Variants in GRM7 observed in about 807,000 individuals in gnomAD.
GRM7 encodes glutamate metabotropic receptor 7.
A neutral mutation model predicts 84.5 loss-of-function variants in GRM7; 35 were observed. The ratio of observed to expected loss-of-function variants is 0.41; its 90% CI spans 0.32 to 0.55. The LOEUF (loss-of-function observed/expected upper bound fraction) is 0.55, where lower values mean the gene tolerates loss of function less well. Among genes scored for constraint, GRM7 ranks in the 20% least tolerant of loss-of-function variants. The pLI is 0.19. For missense variants in GRM7, 1,003 were observed against 1,194.6 expected (o/e 0.84, Z 2.36); for synonymous variants, 487 against 455.1 (o/e 1.07, Z -0.89).
intron 3 of GRM7, among the ~76,000 whole-genome samples, chr3:7,303,677 T>G (rs893487846): frequency 3.3e-5 from 5 of 152,100 alleles, no homozygotes; most frequent in African/African-American, 9.7e-5. Context: ...ATCTTTAATA[T>G]TTTTTCTGTT....
intron 1 of GRM7, among the ~76,000 whole-genome samples, chr3:6,887,104 A>T (rs1284874327): frequency 6.6e-6 from 1 of 152,012 alleles, no homozygotes; most frequent in Non-Finnish European, 1.5e-5. Context: ...AGTCTTGTTG[A>T]GGGACAGTGC....
intron 9 of GRM7, among the ~76,000 whole-genome samples, chr3:7,718,183 G>C (rs967814771): frequency 2.6e-5 from 4 of 152,200 alleles, no homozygotes; most frequent in African/African-American, 9.6e-5. Context: ...GAGGCAGTCT[G>C]TGCATAGCAC....
chr3:7,006,865 A>T (rs1467271122), intron 1 of GRM7, among the ~76,000 whole-genome samples: 2 of 152,238 alleles, frequency 1.3e-5, no homozygotes, highest in Admixed American at 1.3e-4. Flanking sequence ...AAGGAAATAT[A>T]GGGATAAAAA....
chr3:7,009,633 C>A lies in GRM7; in HGVS notation c.520-136819C>A, dbSNP rs138396654. Among the ~76,000 whole-genome samples the A allele has an allele frequency of 1.1e-3, 163 of 152,176 alleles. 2 individuals are homozygous for A. The highest frequency in any genetic ancestry group is 3.6e-3 in the African/African-American group (151 of 41,514). ...CAAACATAATGGATTTGGAGGGGAG[C>A]CAGGAGGGAGGAAGGTTGTTAAGGG... On this transcript the variant is annotated intron_variant, in intron 1 of 9. Transcript: ENST00000357716.
intron 4 of GRM7, among the ~76,000 whole-genome samples, chr3:7,393,581 A>G (rs528756670): frequency 2.0e-5 from 3 of 152,160 alleles, no homozygotes; most frequent in African/African-American, 7.2e-5. Context: ...CTCCTATACA[A>G]TGTGTTCGAA....
intron 5 of GRM7, among the ~76,000 whole-genome samples, chr3:7,436,485 CT>C (rs34521679): frequency 0.29 from 44,000 of 152,012 alleles, 6,582 homozygotes; most frequent in East Asian, 0.44. Flanking sequence ...GTGGGCCATA[CT>C]TTGTCTACCT....
intron 9 of GRM7, among the ~76,000 whole-genome samples, chr3:7,694,081 C>A (rs1559491955): frequency 6.6e-6 from 1 of 151,958 alleles, no homozygotes; most frequent in African/African-American, 2.4e-5. Context: ...GGGGTTCTGA[C>A]CCATTCCCAT....
chr3:7,113,541 T>C (rs1255178922), intron 1 of GRM7, among the ~76,000 whole-genome samples: 1 of 152,184 alleles, frequency 6.6e-6, no homozygotes, highest in Non-Finnish European at 1.5e-5. Context: ...TGACTCTTGA[T>C]GAACTTACAA....
intron 1 of GRM7, among the ~76,000 whole-genome samples, chr3:6,926,153 T>A (rs1697290466): frequency 1.3e-5 from 2 of 152,098 alleles, no homozygotes; most frequent in African/African-American, 4.8e-5. Context: ...TATGTTTATT[T>A]AAAAAATAAA....
rs1425270032 is a variant in GRM7 at position 7,461,457 on chromosome 3, C to CT, written c.1376-125dup. ...ATTGCAGGGGCCGTTTTGGGGGGAC[C>CT]TATTAAAGGGGATATCTAGTAACTA... On this transcript the variant is annotated intron_variant, in intron 6 of 9. Coordinates refer to ENST00000357716, the MANE Select transcript of GRM7 (RefSeq NM_000844.4). The CT allele has an allele frequency of 5.9e-6, 4 of 679,486 alleles. No homozygotes were observed. The East Asian group carries it at 1.1e-4, about 18-fold the overall frequency. The allele number at this position is 679,486 out of a possible 1,614,324, so 42.1% of individuals were successfully genotyped here.
intron 8 of GRM7, among the ~76,000 whole-genome samples, chr3:7,644,257 C>CAT (rs962212283): frequency 3.5e-5 from 5 of 143,588 alleles, no homozygotes; most frequent in East Asian, 2.0e-4. Context: ...TGTGTCTGTA[C>CAT]ATATATATAT....
intron 1 of GRM7, among the ~76,000 whole-genome samples, chr3:6,946,928 C>A (rs1698103560): frequency 6.6e-6 from 1 of 152,158 alleles, no homozygotes; most frequent in Non-Finnish European, 1.5e-5. Flanking sequence ...GCTGAAGTTG[C>A]TTATCAGCTT....
At chr3:7,401,017 T>C (rs1253221966) in intron 4 of GRM7, among the ~76,000 whole-genome samples, 2 of 152,154 alleles carry the variant, frequency 1.3e-5, no homozygotes, top group Non-Finnish European at 2.9e-5. Context: ...TATTTTCTTA[T>C]CTACCCTCAA....
At chr3:6,875,666 C>T (rs1309334762) in intron 1 of GRM7, among the ~76,000 whole-genome samples, 1 of 152,170 alleles carries the variant, frequency 6.6e-6, no homozygotes, top group Non-Finnish European at 1.5e-5. Context: ...ATCAAGCCTA[C>T]ACATTTTTAC....
At chr3:7,677,110 A>T (rs941524033) in intron 8 of GRM7, among the ~76,000 whole-genome samples, 2 of 151,786 alleles carry the variant, frequency 1.3e-5, no homozygotes, top group African/African-American at 4.8e-5. Flanking sequence ...AAATACAAAA[A>T]AATTAGCCGG....
At chr3:7,390,955 T>C (rs1356006404) in intron 4 of GRM7, among the ~76,000 whole-genome samples, 1 of 152,188 alleles carries the variant, frequency 6.6e-6, no homozygotes, top group Admixed American at 6.5e-5. Context: ...CTTGTGTTGG[T>C]TTCTTTTCAT....
At chr3:7,153,199 TCTGATTTTGTTTCC>T (rs1022603730) in intron 2 of GRM7, among the ~76,000 whole-genome samples, 1 of 151,772 alleles carries the variant, frequency 6.6e-6, no homozygotes, top group Admixed American at 6.6e-5. Context: ...CTGCTTATTT[TCTGATTTTGTTTCC>T]CTGGCCTTCA....
At chr3:7,365,651 A>T (rs1201694523) in intron 4 of GRM7, among the ~76,000 whole-genome samples, 1 of 144,434 alleles carries the variant, frequency 6.9e-6, no homozygotes, top group East Asian at 2.1e-4. Context: ...GTGTGTGTAT[A>T]TATATATATA....
chr3:7,725,573 G>C (rs1208482592), intron 9 of GRM7, among the ~76,000 whole-genome samples: 1 of 152,108 alleles, frequency 6.6e-6, no homozygotes, highest in Non-Finnish European at 1.5e-5. Flanking sequence ...TTATCCTTCT[G>C]ACCCAGGGCA....
Sources: allele counts gnomAD v4.1 joint callset (sites outside exome capture counted in the v4.1 genomes callset), GRCh38; gene constraint gnomAD v4.1.1; transcripts MANE v1.5; gene names NCBI Gene and HGNC (gene_info 2026-07-23, HGNC 2026-07-21).